FSHR: variants seen among roughly 807,000 people sequenced by gnomAD.
The protein encoded by FSHR is follicle stimulating hormone receptor, also known as follicle-stimulating hormone receptor.
Under a neutral mutation model 52.1 loss-of-function variants are expected in FSHR, and 46 were observed. The observed-to-expected ratio is 0.88, with a 90% CI of 0.70 to 1.13. FSHR has a LOEUF of 1.13. Ranked by LOEUF, FSHR falls within the 50% of genes most tolerant of loss-of-function variation. The pLI is 0.00. For missense variants in FSHR, 964 were observed against 834.6 expected, an observed-to-expected ratio of 1.16 and a Z score of -1.91; for synonymous variants, 399 against 309.6, an observed-to-expected ratio of 1.29 and a Z score of -3.03.
intron 2 of FSHR, among the ~76,000 whole-genome samples, chr2:49,033,508 C>T (rs779010293): frequency 2.6e-5 from 4 of 152,004 alleles, no homozygotes; most frequent in Non-Finnish European, 5.9e-5. Context: ...GATGAAGAGG[C>T]CAACGCAGGA....
Position 48,982,996 on chromosome 2 carries a change from G to A in FSHR, c.594-10C>T. 6 of 1,613,316 alleles carry A rather than the reference G, an allele frequency of 3.7e-6. No individual in the cohort carries two copies. The highest frequency in any genetic ancestry group is 5.1e-6 in the Non-Finnish European group (6 of 1,179,276). On this transcript the variant is annotated splice_polypyrimidine_tract_variant and intron_variant, in intron 7 of 9. Coordinates refer to ENST00000406846, the MANE Select transcript of FSHR (RefSeq NM_000145.4). ...ATTATCGCTTAGATTCCTGGGGATGGGGTTGAGGAAAGAAGAAGGAAAACA... is the reference window on the plus strand; with the variant it reads ...ATTATCGCTTAGATTCCTGGGGATGAGGTTGAGGAAAGAAGAAGGAAAACA...
chr2:49,116,277 A>G (rs767657222), intron 1 of FSHR, among the ~76,000 whole-genome samples: 99 of 152,152 alleles, frequency 6.5e-4, no homozygotes, highest in Non-Finnish European at 1.0e-3. Flanking sequence ...AAAGTCATCA[A>G]ACTTGAGTGT....
chr2:49,084,460 T>C (rs1414568057), intron 1 of FSHR, among the ~76,000 whole-genome samples: 1 of 151,894 alleles, frequency 6.6e-6, no homozygotes, highest in Admixed American at 6.6e-5. Context: ...GCAAACACAT[T>C]CAAAAGCTAG....
At chr2:49,043,384 A>G (rs1032519422) in intron 2 of FSHR, among the ~76,000 whole-genome samples, 8 of 152,166 alleles carry the variant, frequency 5.3e-5, no homozygotes, top group Non-Finnish European at 1.5e-5. Context: ...TAATAGCCCT[A>G]AAGAGAATTT....
chr2:49,132,790 T>C (rs578130497), intron 1 of FSHR, among the ~76,000 whole-genome samples: 1 of 152,024 alleles, frequency 6.6e-6, no homozygotes, highest in South Asian at 2.1e-4. Context: ...GTCAAAAACA[T>C]AGTTGTGGAA....
chr2:49,031,660 C>T (rs1668107324), intron 2 of FSHR, among the ~76,000 whole-genome samples: 1 of 152,028 alleles, frequency 6.6e-6, no homozygotes, highest in African/African-American at 2.4e-5. Flanking sequence ...CTATTACTTC[C>T]AGGGAAGGAG....
chr2:49,061,765 T>C (rs1669312172), intron 2 of FSHR, among the ~76,000 whole-genome samples: 1 of 140,978 alleles, frequency 7.1e-6, no homozygotes. Flanking sequence ...TATATATAAC[T>C]ATATATAACT....
At chr2:49,138,717 T>A (rs1672572508) in intron 1 of FSHR, among the ~76,000 whole-genome samples, 1 of 152,190 alleles carries the variant, frequency 6.6e-6, no homozygotes, top group Non-Finnish European at 1.5e-5. Flanking sequence ...AGCTAACATG[T>A]ATGAGTTTTT....
chr2:49,119,680 A>G (rs914242521), intron 1 of FSHR, among the ~76,000 whole-genome samples: 2 of 152,042 alleles, frequency 1.3e-5, no homozygotes, highest in Non-Finnish European at 2.9e-5. Flanking sequence ...AACATATATC[A>G]CCCTTGGACA....
At chr2:49,089,569 T>A (rs1045702106) in intron 1 of FSHR, among the ~76,000 whole-genome samples, 2 of 152,096 alleles carry the variant, frequency 1.3e-5, no homozygotes, top group East Asian at 3.8e-4. Context: ...ATCTCCAGAG[T>A]AACCGCGTGT....
chr2:49,062,656 C>A (rs1281687754), intron 2 of FSHR, among the ~76,000 whole-genome samples: 2 of 152,016 alleles, frequency 1.3e-5, no homozygotes, highest in Non-Finnish European at 2.9e-5. Context: ...TATTTGGAAA[C>A]TACTCATCAA....
At chr2:49,114,346 A>T (rs998540033) in intron 1 of FSHR, among the ~76,000 whole-genome samples, 1 of 152,070 alleles carries the variant, frequency 6.6e-6, no homozygotes, top group Non-Finnish European at 1.5e-5. Context: ...TTCTAGACCA[A>T]AGCAATACTC....
chr2:49,108,610 C>G (rs1315835826), intron 1 of FSHR, among the ~76,000 whole-genome samples: 3 of 152,000 alleles, frequency 2.0e-5, no homozygotes, highest in East Asian at 1.9e-4. Flanking sequence ...CCAAGAGCCT[C>G]TCATGGAAAA....
intron 4 of FSHR, among the ~76,000 whole-genome samples, chr2:48,993,059 G>A (rs1189037296): frequency 6.6e-6 from 1 of 151,878 alleles, no homozygotes; most frequent in African/African-American, 2.4e-5. Flanking sequence ...TCCTTCTCCT[G>A]TTACTCCTTT....
At chr2:49,051,665 T>C (rs900132298) in intron 2 of FSHR, among the ~76,000 whole-genome samples, 1 of 152,110 alleles carries the variant, frequency 6.6e-6, no homozygotes, top group African/African-American at 2.4e-5. Flanking sequence ...GGTGTCTTTT[T>C]TTACTTTTTT....
Position 49,084,229 on chromosome 2 carries a change from C to T in FSHR, c.153-15939G>A, listed in dbSNP as rs538475198. Among the ~76,000 whole-genome samples, 7 of 142,278 alleles carry T rather than the reference C, an allele frequency of 4.9e-5. No individual in the cohort carries two copies. In the South Asian group the frequency reaches 1.6e-3, roughly 33 times the overall value. The allele number at this position is 142,278 out of a possible 152,430, so 93.3% of individuals were successfully genotyped here. ...CTCAACTACATGGAAACTGAACAACCTGCCCCTGAATGACTACTGGGTACA... is the reference window on the plus strand; with the variant it reads ...CTCAACTACATGGAAACTGAACAACTTGCCCCTGAATGACTACTGGGTACA... On this transcript the variant is annotated intron_variant, in intron 1 of 9. Coordinates refer to ENST00000406846, the MANE Select transcript of FSHR (RefSeq NM_000145.4).
chr2:49,080,204 A>C (rs958674235), intron 1 of FSHR, among the ~76,000 whole-genome samples: 13 of 152,210 alleles, frequency 8.5e-5, no homozygotes, highest in Non-Finnish European at 1.2e-4. Context: ...CACAGTATCC[A>C]TGCTGGTGAG....
chr2:49,096,712 A>G (rs111684599), intron 1 of FSHR, among the ~76,000 whole-genome samples: 4 of 152,292 alleles, frequency 2.6e-5, no homozygotes, highest in African/African-American at 9.6e-5. Flanking sequence ...CCTTACCAAA[A>G]TCTCATGTTG....
At chr2:49,097,112 G>T (rs1670850512) in intron 1 of FSHR, among the ~76,000 whole-genome samples, 1 of 152,158 alleles carries the variant, frequency 6.6e-6, no homozygotes, top group African/African-American at 2.4e-5. Context: ...CATGATTTCT[G>T]ATGAGGAATC....
Sources: gnomAD v4.1 joint callset for allele counts (sites outside exome capture counted in the v4.1 genomes callset) on GRCh38, gnomAD v4.1.1 for gene constraint, MANE v1.5 for transcripts, NCBI Gene and HGNC (gene_info 2026-07-23, HGNC 2026-07-21) for gene names.